Variants in WFDC6 observed in about 807,000 individuals in gnomAD.
WFDC6 encodes WAP four-disulfide core domain 6.
WFDC6 carries 10 observed loss-of-function variants against 8.2 expected under a neutral mutation model. That is an observed-to-expected ratio of 1.22 (90% CI 0.75 to 2.07). WFDC6 has a LOEUF of 2.07. WFDC6 is among the 30% of genes most tolerant of loss of function. WFDC6 has a pLI of 0.00. For missense variants in WFDC6, 105 were observed against 104.9 expected (o/e 1.00, Z 0.00); for synonymous variants, 28 against 37.0 (o/e 0.76, Z 0.88).
At position 45,538,117 on chromosome 20, in the gene WFDC6, C is replaced by T. The variant is rs181651972; in HGVS notation, c.92-23G>A. On this transcript the variant is annotated intron_variant, in intron 1 of 2. Transcript: ENST00000372670. ...GCTCTAAGGGAGGGGAAGATATATT[C>T]CCTCAAGGCCTTAAAGGAGCCAGTG... 158 of 1,613,682 alleles carry T rather than the reference C, an allele frequency of 9.8e-5. No individual in the cohort carries two copies. The African/African-American group carries it at 1.9e-3, about 19-fold the overall frequency.
At chr20:45,538,424 C>G (rs1979456470) in intron 1 of WFDC6, among the ~76,000 whole-genome samples, 1 of 152,178 alleles carries the variant, frequency 6.6e-6, no homozygotes. Flanking sequence ...CTGTGGCTCT[C>G]GATGATTGAG....
chr20:45,536,578 A>G (rs1979374509), intron 2 of WFDC6, among the ~76,000 whole-genome samples: 1 of 152,224 alleles, frequency 6.6e-6, no homozygotes, highest in Non-Finnish European at 1.5e-5. Context: ...AAGGGATTTG[A>G]ACATAGGTTA....
At position 45,537,010 on chromosome 20, in the gene WFDC6, G is replaced by A. The variant is rs561749200; in HGVS notation, c.222+954C>T. ...GCCACACATTTGAGGTTTTATCAAA[G>A]CACTGAAAACCTAGTTATTGTCTTG... On this transcript the variant is annotated intron_variant, in intron 2 of 2. Coordinates refer to ENST00000372670, the MANE Select transcript of WFDC6 (RefSeq NM_080827.2). 15 of 159,608 alleles carry A rather than the reference G, an allele frequency of 9.4e-5. No individual in the cohort carries two copies. In the East Asian group the frequency reaches 1.7e-3, roughly 19 times the overall value. The allele number at this position is 159,608 out of a possible 1,614,324, so 9.9% of individuals were successfully genotyped here.
In WFDC6 at chr20:45,534,428, C is replaced by T. The variant is rs770863129; in HGVS notation, c.*39G>A. ...CAATTTGGAGCATCAATCAGGCACA[C>T]GTGGAGAGAGGCCTGGATTATGAGC... On this transcript the variant is annotated 3_prime_UTR_variant, in exon 3 of 3. Transcript: ENST00000372670. 5.1e-5 allele frequency: 83 copies of T among 1,613,112 alleles called. No homozygotes were observed. The East Asian group carries it at 1.2e-3, about 24-fold the overall frequency.
intron 2 of WFDC6, chr20:45,537,252 T>G: frequency 4.3e-6 from 2 of 470,464 alleles, no homozygotes; most frequent in Admixed American, 3.3e-5. Context: ...CCTTTGCACA[T>G]CCTATTATCT....
At chr20:45,535,676 G>A (rs559071039) in intron 2 of WFDC6, among the ~76,000 whole-genome samples, 6 of 152,092 alleles carry the variant, frequency 3.9e-5, no homozygotes, top group Middle Eastern at 3.4e-3. Context: ...ATTTCCTTCC[G>A]GCTGCTTTCT....
At position 45,537,466 on chromosome 20, in the gene WFDC6, C is replaced by T. The variant is rs1027461070; in HGVS notation, c.222+498G>A. ...TGGTCCTTGATGATCTTCTTTAGAG[C>T]TCAATAATATGGGCAGAGAAGAAAG... On this transcript the variant is annotated intron_variant, in intron 2 of 2. Coordinates refer to ENST00000372670, the MANE Select transcript of WFDC6 (RefSeq NM_080827.2). The T allele has an allele frequency of 1.1e-5, 16 of 1,405,940 alleles. No individual in the cohort carries two copies. In the Admixed American group the frequency reaches 1.2e-4, roughly 10 times the overall value. The allele number at this position is 1,405,940 out of a possible 1,614,324, so 87.1% of individuals were successfully genotyped here.
At chr20:45,537,653 G>T in intron 2 of WFDC6, 3 of 1,276,238 alleles carry the variant, frequency 2.4e-6, no homozygotes, top group Non-Finnish European at 3.3e-6. Context: ...GTGACTACTT[G>T]GCATCTCGAG....
intron 1 of WFDC6, 67 bp from the exon 2 acceptor site, chr20:45,538,161 AG>A: frequency 6.2e-7 from 1 of 1,609,110 alleles, no homozygotes; most frequent in Non-Finnish European, 8.5e-7. Context: ...CCCCGAGACC[AG>A]GGCACCCCTC....
chr20:45,535,239 A>C (rs1568985825), intron 2 of WFDC6: 1 of 1,304,266 alleles, frequency 7.7e-7, no homozygotes, highest in Non-Finnish European at 1.0e-6. Context: ...CCATAGATGA[A>C]TTCGGAGCAG....
chr20:45,538,158 A>C (rs2294558), intron 1 of WFDC6, 64 bp from the exon 2 acceptor site: 29,371 of 1,610,078 alleles, frequency 0.018, 1,415 homozygotes, highest in African/African-American at 0.15. Flanking sequence ...CCTCCCCGAG[A>C]CCAGGGCACC....
chr20:45,535,054 G>T (rs1404482689), intron 2 of WFDC6: 1 of 1,168,592 alleles, frequency 8.6e-7, no homozygotes, highest in African/African-American at 1.6e-5. Context: ...ATTGGAGCTG[G>T]TTTTGTCATC....
chr20:45,534,432 G>T lies in WFDC6; in HGVS notation c.*35C>A, dbSNP rs746304354. The T allele has an allele frequency of 1.7e-5, 27 of 1,613,464 alleles. No homozygotes were observed. Among genetic ancestry groups the T allele is most frequent in the Non-Finnish European group, 2.2e-5 (26 of 1,179,518 alleles). On this transcript the variant is annotated 3_prime_UTR_variant, in exon 3 of 3. Transcript: ENST00000372670. ...TTGGAGCATCAATCAGGCACACGTG[G>T]AGAGAGGCCTGGATTATGAGCCAAA...
rs568566075 is a variant in WFDC6 at position 45,535,650 on chromosome 20, T to C, written c.223-1145A>G. Among the ~76,000 whole-genome samples the C allele has an allele frequency of 7.2e-5, 11 of 152,366 alleles. No homozygotes were observed. The East Asian group carries it at 2.1e-3, about 29-fold the overall frequency. On this transcript the variant is annotated intron_variant, in intron 2 of 2. Coordinates refer to ENST00000372670, the MANE Select transcript of WFDC6 (RefSeq NM_080827.2). ...ACTAAATCTGGCTGATTTTGCCTCCTAAATAGCTCTCCTTTATTTCCTTCC... is the reference window on the plus strand; with the variant it reads ...ACTAAATCTGGCTGATTTTGCCTCCCAAATAGCTCTCCTTTATTTCCTTCC...
chr20:45,538,604 C>T (rs947784896), intron 1 of WFDC6, among the ~76,000 whole-genome samples: 12 of 152,196 alleles, frequency 7.9e-5, no homozygotes, highest in African/African-American at 2.9e-4. Context: ...GGCAATGTAA[C>T]GTAACAATGA....
chr20:45,536,175 G>C (rs2145542180), intron 2 of WFDC6, among the ~76,000 whole-genome samples: 1 of 151,898 alleles, frequency 6.6e-6, no homozygotes, highest in East Asian at 1.9e-4. Context: ...AGAGGGGATT[G>C]CATCTTATGC....
At chr20:45,537,315 T>A in intron 2 of WFDC6, 1 of 591,282 alleles carries the variant, frequency 1.7e-6, no homozygotes, top group Non-Finnish European at 3.0e-6. Context: ...ATCTTTCAGA[T>A]CTTAAATCAT....
chr20:45,537,337 C>T (rs2145543224), intron 2 of WFDC6: 1 of 614,706 alleles, frequency 1.6e-6, no homozygotes, highest in Non-Finnish European at 2.9e-6. Flanking sequence ...GATCTCTTTC[C>T]CAGAAAAACT....
Position 45,538,082 on chromosome 20 carries a change from T to C in WFDC6, c.104A>G (p.Lys35Arg), listed in dbSNP as rs771769401. The part of the protein sequence containing the change: ...AEGILGKPCP[K>R]IKVECEVEEI... ...TTCCACTTCGCATTCCACTTTGATT[T>C]TGGGACACGGCTCTAAGGGAGGGGA... The change falls in exon 2 of 3, where the codon AAA (lysine) becomes AGA (arginine). Residue 35 changes from lysine to arginine, a missense_variant. Transcript: ENST00000372670. 2.0e-5 allele frequency: 32 copies of C among 1,613,810 alleles called. No individual in the cohort carries two copies. The highest frequency in any genetic ancestry group is 2.1e-5 in the Non-Finnish European group (25 of 1,179,898).
Sources: allele counts gnomAD v4.1 joint callset (sites outside exome capture counted in the v4.1 genomes callset), GRCh38; gene constraint gnomAD v4.1.1; transcripts MANE v1.5; gene names NCBI Gene and HGNC (gene_info 2026-07-23, HGNC 2026-07-21).